The following RNLS variants were observed in gnomAD, a reference collection of about 807,000 sequenced individuals.
RNLS encodes the protein renalase, FAD dependent amine oxidase.
Under a neutral mutation model 39.8 loss-of-function variants are expected in RNLS, and 39 were observed. That is an observed-to-expected ratio of 0.98 (90% confidence interval 0.76 to 1.28). The LOEUF (loss-of-function observed/expected upper bound fraction) is 1.28, where lower values mean the gene tolerates loss of function less well. RNLS is among the 50% of genes most tolerant of loss of function. RNLS has a pLI of 0.00. For missense variants in RNLS, 410 were observed against 413.3 expected (o/e 0.99, Z 0.07); for synonymous variants, 147 against 150.7 (o/e 0.98, Z 0.18).
the RNLS span, among the ~76,000 whole-genome samples, chr10:88,172,926 G>A: frequency 2.3e-5 from 3 of 128,682 alleles, no homozygotes; most frequent in Non-Finnish European, 3.2e-5. Flanking sequence ...GTGTGATCTC[G>A]GCTCACTGCA....
At chr10:88,445,388 T>G (rs1406602227) in intron 4 of RNLS, among the ~76,000 whole-genome samples, 2 of 152,196 alleles carry the variant, frequency 1.3e-5, no homozygotes, top group African/African-American at 2.4e-5. Context: ...AGACCATCAA[T>G]GCTAGGAAGA....
At chr10:88,348,265 T>A (rs1414232558) in intron 5 of RNLS, among the ~76,000 whole-genome samples, 1 of 152,174 alleles carries the variant, frequency 6.6e-6, no homozygotes, top group Non-Finnish European at 1.5e-5. Context: ...CACACATTTA[T>A]TCATCATGAA....
rs576361643 is a variant in RNLS, at chr10:88,429,440, T to C, written c.527-66715A>G. ...ATTTTAGTTTCCTGAACAGGAATGT[T>C]GAATAAATTTGGAGTTCACGTTCAT... On this transcript the variant is annotated intron_variant, in intron 4 of 6. Coordinates refer to ENST00000331772, the MANE Select transcript of RNLS (RefSeq NM_001031709.3). Among the ~76,000 whole-genome samples the C allele has an allele frequency of 7.9e-4, 120 of 152,096 alleles. 1 individual carries two copies. Among genetic ancestry groups the C allele is most frequent in the African/African-American group, 2.7e-3 (113 of 41,552 alleles).
chr10:88,343,145 T>C (rs1848076642), intron 5 of RNLS, among the ~76,000 whole-genome samples: 1 of 152,072 alleles, frequency 6.6e-6, no homozygotes, highest in Non-Finnish European at 1.5e-5. Context: ...AACAGGAAAG[T>C]GAGTGGCATG....
At chr10:88,270,528 A>C (rs1385526263), downstream of RNLS, among the ~76,000 whole-genome samples, 1 of 152,188 alleles carries the variant, frequency 6.6e-6, no homozygotes, top group African/African-American at 2.4e-5. Flanking sequence ...CACTGATTTG[A>C]GAAAGAAACC....
intron 4 of RNLS, among the ~76,000 whole-genome samples, chr10:88,480,858 TATA>T (rs1424621906): frequency 6.6e-6 from 1 of 151,900 alleles, no homozygotes; most frequent in Non-Finnish European, 1.5e-5. Flanking sequence ...ATCTGTCTGG[TATA>T]ATATTATTTT....
intron 4 of RNLS, among the ~76,000 whole-genome samples, chr10:88,505,077 A>T (rs973575573): frequency 6.6e-6 from 1 of 151,864 alleles, no homozygotes; most frequent in African/African-American, 2.4e-5. Context: ...AGCAACAAGA[A>T]CCCCAAAAAC....
At chr10:88,359,539 G>A (rs998370333) in intron 5 of RNLS, among the ~76,000 whole-genome samples, 8 of 152,142 alleles carry the variant, frequency 5.3e-5, no homozygotes, top group Admixed American at 2.0e-4. Flanking sequence ...TTTAAAACTC[G>A]CATAATTGAA....
chr10:88,525,970 C>T (rs1847078390), intron 4 of RNLS, among the ~76,000 whole-genome samples: 1 of 151,878 alleles, frequency 6.6e-6, no homozygotes, highest in South Asian at 2.1e-4. Flanking sequence ...GCCGAATGCC[C>T]ACAGAAGCCA....
intron 4 of RNLS, among the ~76,000 whole-genome samples, chr10:88,398,618 T>C (rs1852716220): frequency 6.6e-6 from 1 of 152,030 alleles, no homozygotes; most frequent in South Asian, 2.1e-4. Context: ...ATATCTACTT[T>C]ACACGGTCTA....
intron 3 of RNLS, among the ~76,000 whole-genome samples, chr10:88,575,572 T>A (rs1850151894): frequency 6.6e-6 from 1 of 152,088 alleles, no homozygotes; most frequent in African/African-American, 2.4e-5. Flanking sequence ...CCTCTCTTAT[T>A]AACCAGAAAG....
chr10:88,578,280 AACTGAG>A lies in RNLS; in HGVS notation c.367+3281_367+3286del, dbSNP rs142655491. 2.2e-3 allele frequency among the ~76,000 whole-genome samples: 329 copies of A among 152,226 alleles called. 8 individuals are homozygous for A. The East Asian group carries it at 0.053, about 25-fold the overall frequency. ...TTACGCTCATTTTTTTCAATGAAAG[AACTGAG>A]GTACAGATTTTAAACTTTCCTAATA... On this transcript the variant is annotated intron_variant, in intron 3 of 6. Transcript: ENST00000331772.
At chr10:88,202,727 G>T in the RNLS span, among the ~76,000 whole-genome samples, 1 of 152,230 alleles carries the variant, frequency 6.6e-6, no homozygotes, top group Non-Finnish European at 1.5e-5. Context: ...CAGGACAGCA[G>T]GATTCGGGCA....
chr10:88,523,616 T>C lies in RNLS; in HGVS notation c.526+49287A>G, dbSNP rs575427436. Among the ~76,000 whole-genome samples the C allele has an allele frequency of 7.2e-5, 11 of 152,246 alleles. 1 individual carries two copies. The South Asian group carries it at 2.3e-3, about 32-fold the overall frequency. On this transcript the variant is annotated intron_variant, in intron 4 of 6. Coordinates refer to ENST00000331772, the MANE Select transcript of RNLS (RefSeq NM_001031709.3). ...AAGAACAAAACAAAAGATGATTCTC[T>C]CCCATCTCTTTCATGTATTCCAAAT...
At chr10:88,504,166 C>A (rs539568778) in intron 4 of RNLS, among the ~76,000 whole-genome samples, 6 of 152,132 alleles carry the variant, frequency 3.9e-5, no homozygotes, top group Non-Finnish European at 8.8e-5. Context: ...TGAATCAAGA[C>A]AGCTAAGCTA....
At chr10:88,333,577 A>C (rs1248842861) in intron 5 of RNLS, among the ~76,000 whole-genome samples, 5 of 152,198 alleles carry the variant, frequency 3.3e-5, no homozygotes, top group Non-Finnish European at 7.3e-5. Context: ...TACCTAATTT[A>C]ATAACATGAA....
chr10:88,372,120 C>T (rs190236077), intron 4 of RNLS, among the ~76,000 whole-genome samples: 1 of 152,032 alleles, frequency 6.6e-6, no homozygotes, highest in Non-Finnish European at 1.5e-5. Flanking sequence ...CTTCAGCTTC[C>T]GTGATTAAAC....
intron 4 of RNLS, among the ~76,000 whole-genome samples, chr10:88,468,737 A>G (rs73355423): frequency 2.6e-5 from 4 of 152,268 alleles, no homozygotes; most frequent in African/African-American, 9.6e-5. Context: ...AAGGCCTCCT[A>G]TAGGTAAGAA....
intron 4 of RNLS, among the ~76,000 whole-genome samples, chr10:88,470,091 T>C (rs1843433716): frequency 6.6e-6 from 1 of 152,152 alleles, no homozygotes; most frequent in African/African-American, 2.4e-5. Flanking sequence ...GCCCAAAGTT[T>C]AGAATCAAGA....
Sources: gnomAD v4.1 joint callset for allele counts (sites outside exome capture counted in the v4.1 genomes callset) on GRCh38, gnomAD v4.1.1 for gene constraint, MANE v1.5 for transcripts, NCBI Gene and HGNC (gene_info 2026-07-23, HGNC 2026-07-21) for gene names.